Variants in CFAP20DC observed in about 807,000 individuals in gnomAD.
The protein encoded by CFAP20DC is CFAP20 domain containing, also known as protein CFAP20DC.
Under a neutral mutation model 101.7 loss-of-function variants are expected in CFAP20DC, and 84 were observed. That is an observed-to-expected ratio of 0.83 (90% CI 0.69 to 0.99). The LOEUF (loss-of-function observed/expected upper bound fraction) is 0.99. CFAP20DC is among the 50% of genes least tolerant of loss of function. CFAP20DC has a pLI of 0.00. For synonymous variants in CFAP20DC, 359 were observed against 351.2 expected, an observed-to-expected ratio of 1.02 and a Z score of -0.25; for missense variants, 1,007 against 970.3, an observed-to-expected ratio of 1.04 and a Z score of -0.50.
rs1247356094 is a variant in CFAP20DC at position 58,814,950 on chromosome 3, T to G, written c.2176-8494A>C. Reference sequence around the variant, plus strand: ...ATACTGCCCAAGGTAATTTATAGATTCAATGCCATCCCCATCAAGCTACCA... The same window carrying G: ...ATACTGCCCAAGGTAATTTATAGATGCAATGCCATCCCCATCAAGCTACCA... On this transcript the variant is annotated intron_variant, in intron 14 of 16. Coordinates refer to ENST00000482387, the MANE Select transcript of CFAP20DC (RefSeq NM_001394063.1). Among the ~76,000 whole-genome samples the G allele has an allele frequency of 7.1e-4, 108 of 151,078 alleles. 1 individual carries two copies. The highest frequency in any genetic ancestry group is 2.0e-3 in the African/African-American group (83 of 40,820).
chr3:58,773,159 G>C (rs145229283), intron 15 of CFAP20DC, among the ~76,000 whole-genome samples: 213 of 152,084 alleles, frequency 1.4e-3, no homozygotes, highest in African/African-American at 4.9e-3. Context: ...ATAGGTGTTA[G>C]ATTGGTCCCT....
intron 14 of CFAP20DC, among the ~76,000 whole-genome samples, chr3:58,809,399 C>A (rs1323631703): frequency 6.6e-6 from 1 of 152,144 alleles, no homozygotes; most frequent in Non-Finnish European, 1.5e-5. Context: ...TTAAGAAACT[C>A]ACTTAAAACC....
intron 5 of CFAP20DC, among the ~76,000 whole-genome samples, chr3:58,928,984 T>C (rs569108475): frequency 6.6e-6 from 1 of 152,294 alleles, no homozygotes; most frequent in East Asian, 1.9e-4. Context: ...ACAGATGAAT[T>C]GAAAAGGATT....
chr3:58,878,763 T>G (rs1250909716), intron 7 of CFAP20DC, among the ~76,000 whole-genome samples: 2 of 152,004 alleles, frequency 1.3e-5, no homozygotes, highest in African/African-American at 4.8e-5. Context: ...TGTAATCCCA[T>G]CACTTTGGGA....
Position 58,722,655 on chromosome 3 carries a change from T to G in CFAP20DC, c.198-5027A>C, listed in dbSNP as rs61503943. Among the ~76,000 whole-genome samples, 2,104 of 152,226 alleles carry G rather than the reference T, an allele frequency of 0.014. 26 individuals are homozygous for G. The highest frequency in any genetic ancestry group is 0.021 in the Non-Finnish European group (1,400 of 68,010). On this transcript the variant is annotated intron_variant, in intron 3 of 3. Coordinates refer to the CFAP20DC transcript ENST00000486145. This position sits in a 1 kb window ranked among gnomAD's most constrained non-coding sequence, Gnocchi z 4.5. ...ACTCCCACAGTTCTCGTTTGCCTTT[T>G]CCCAGATGTGAAAGTTACACACTGA...
intron 4 of CFAP20DC, among the ~76,000 whole-genome samples, chr3:58,960,575 T>G (rs1215908786): frequency 6.6e-6 from 1 of 152,184 alleles, no homozygotes; most frequent in Non-Finnish European, 1.5e-5. Flanking sequence ...AATTTCATTT[T>G]TCAATTGCTC....
At chr3:59,011,243 C>CTAAAAA (rs886911923) in intron 4 of CFAP20DC, among the ~76,000 whole-genome samples, 14 of 151,968 alleles carry the variant, frequency 9.2e-5, no homozygotes, top group Admixed American at 4.6e-4. Context: ...ACTAAAAATA[C>CTAAAAA]AAAAATTAGC....
intron 4 of CFAP20DC, among the ~76,000 whole-genome samples, chr3:58,995,610 A>G (rs1035368604): frequency 6.6e-6 from 1 of 152,124 alleles, no homozygotes; most frequent in Middle Eastern, 3.2e-3. Context: ...TTGGTTAAAC[A>G]TTATTTTGGG....
chr3:58,890,779 C>T (rs1200303530), intron 6 of CFAP20DC, among the ~76,000 whole-genome samples: 5 of 150,502 alleles, frequency 3.3e-5, no homozygotes, highest in South Asian at 2.1e-4. Context: ...CTCCTCACAT[C>T]CCAGATGGGG....
In CFAP20DC at chr3:58,859,937, C is replaced by CG. The variant is rs1169249692; in HGVS notation, c.1593+3620dup. ...CTCATGCCTGTAATCCCAGCACTTT[C>CG]GGAAGCCGAGGCAGGCAGATCACGA... On this transcript the variant is annotated intron_variant, in intron 12 of 16. Transcript: ENST00000482387. The surrounding 1 kb of genome is among the most constrained non-coding windows in gnomAD (Gnocchi z 4.1). Among the ~76,000 whole-genome samples, 5 of 151,814 alleles carry CG rather than the reference C, an allele frequency of 3.3e-5. No individual in the cohort carries two copies. The highest frequency in any genetic ancestry group is 6.6e-5 in the Admixed American group (1 of 15,230).
intron 4 of CFAP20DC, among the ~76,000 whole-genome samples, chr3:59,008,791 C>G (rs577243787): frequency 6.6e-6 from 1 of 152,092 alleles, no homozygotes; most frequent in South Asian, 2.1e-4. Context: ...AGCACACCAA[C>G]ATGGCACATG....
intron 13 of CFAP20DC, among the ~76,000 whole-genome samples, chr3:58,842,155 G>A (rs953927401): frequency 2.0e-5 from 3 of 152,158 alleles, no homozygotes; most frequent in Non-Finnish European, 2.9e-5. Flanking sequence ...ACCAGTACTC[G>A]GAGGAGCCAA....
intron 14 of CFAP20DC, among the ~76,000 whole-genome samples, chr3:58,820,599 C>T (rs954740521): frequency 6.6e-6 from 1 of 151,912 alleles, no homozygotes; most frequent in African/African-American, 2.4e-5. Context: ...ATGTGAAGGA[C>T]CTCTTCAGGG....
At chr3:58,785,685 C>T (rs2072267409) in intron 15 of CFAP20DC, among the ~76,000 whole-genome samples, 1 of 152,114 alleles carries the variant, frequency 6.6e-6, no homozygotes, top group South Asian at 2.1e-4. Flanking sequence ...TGCCTCCCTC[C>T]CATAACGGGT....
chr3:58,767,343 A>G (rs1026575745), intron 15 of CFAP20DC, among the ~76,000 whole-genome samples: 1 of 152,190 alleles, frequency 6.6e-6, no homozygotes, highest in African/African-American at 2.4e-5. Flanking sequence ...TAGCCAAGAA[A>G]GAAAAATTTA....
intron 14 of CFAP20DC, among the ~76,000 whole-genome samples, chr3:58,809,842 T>C (rs928087054): frequency 6.6e-6 from 1 of 151,774 alleles, no homozygotes; most frequent in East Asian, 1.9e-4. Context: ...AAGAATCAAA[T>C]AGACACAATA....
chr3:58,778,778 C>T (rs1465546407), intron 15 of CFAP20DC, among the ~76,000 whole-genome samples: 1 of 152,190 alleles, frequency 6.6e-6, no homozygotes, highest in African/African-American at 2.4e-5. Flanking sequence ...CCTGGCATCC[C>T]AGTTCCCAGC....
In CFAP20DC at chr3:59,026,427, T is replaced by C. The variant is rs529825772; in HGVS notation, c.278+13130A>G. On this transcript the variant is annotated intron_variant, in intron 4 of 16. Transcript: ENST00000482387. ...GGTTAACATCTCTTTTACAAATAAC[T>C]TAAAAAGCTACAAAGCAACCACTAT... is the stretch of plus-strand genomic sequence containing the variant. Among the ~76,000 whole-genome samples, 3 of 152,230 alleles carry C rather than the reference T, an allele frequency of 2.0e-5. No individual in the cohort carries two copies. The South Asian group carries it at 6.2e-4, about 32-fold the overall frequency.
intron 4 of CFAP20DC, among the ~76,000 whole-genome samples, chr3:59,008,725 G>T (rs1247985092): frequency 6.6e-6 from 1 of 152,020 alleles, no homozygotes; most frequent in Non-Finnish European, 1.5e-5. Flanking sequence ...TGGGAGGAGG[G>T]GGGAGGGATA....
Sources: allele counts gnomAD v4.1 joint callset (sites outside exome capture counted in the v4.1 genomes callset), GRCh38; gene constraint gnomAD v4.1.1; non-coding constraint Gnocchi (gnomAD v3.1); transcripts MANE v1.5; gene names NCBI Gene and HGNC (gene_info 2026-07-23, HGNC 2026-07-21).